The following TDP1 variants were observed in gnomAD, a reference collection of about 807,000 sequenced individuals.
TDP1 encodes tyr-DNA phosphodiesterase 1.
TDP1 carries 64 observed loss-of-function variants against 81.5 expected under a neutral mutation model. The observed-to-expected ratio is 0.79, with a 90% CI of 0.64 to 0.97. TDP1 has a LOEUF of 0.97. Ranked by LOEUF, TDP1 falls within the 50% of genes least tolerant of loss-of-function variation. The pLI, the probability that TDP1 is intolerant of heterozygous loss-of-function variation, is 0.00. For missense variants in TDP1, 723 were observed against 743.8 expected, an observed-to-expected ratio of 0.97 and a Z score of 0.33; for synonymous variants, 256 against 264.3, an observed-to-expected ratio of 0.97 and a Z score of 0.30.
At chr14:90,013,424 G>A (rs967694763) in intron 14 of TDP1, among the ~76,000 whole-genome samples, 15 of 152,140 alleles carry the variant, frequency 9.9e-5, no homozygotes, top group African/African-American at 3.1e-4. Flanking sequence ...TAGGTCTCAC[G>A]AGATCTGATG....
At chr14:89,971,071 G>A (rs1294338371) in intron 5 of TDP1, 104 bp from the exon 6 acceptor site, 1 of 924,174 alleles carries the variant, frequency 1.1e-6, no homozygotes, top group Non-Finnish European at 1.7e-6. Flanking sequence ...CCTGACCTCA[G>A]GTAGTCCACC....
In TDP1 at chr14:89,981,574, C is replaced by G. The variant is rs974373020; in HGVS notation, c.884+942C>G. ...CACCATTTCCAGGTTCACGTTTTCT[C>G]TGTCATCCTCCTCTGCCTCACCCTG... On this transcript the variant is annotated intron_variant, in intron 8 of 16. Transcript: ENST00000335725. The G allele has an allele frequency of 1.4e-5, 6 of 435,520 alleles. No homozygotes were observed. In the East Asian group the frequency reaches 3.6e-4, roughly 26 times the overall value. 27.0% of individuals were successfully genotyped at this position (435,520 alleles called of 1,614,324 possible).
chr14:90,024,225 A>T (rs915216004), intron 15 of TDP1, among the ~76,000 whole-genome samples: 8 of 152,072 alleles, frequency 5.3e-5, no homozygotes, highest in African/African-American at 1.9e-4. Context: ...CTTACTGTTT[A>T]TGCTGTGCAG....
In TDP1 at chr14:89,964,519, AT is replaced by A. The variant is rs1418553049; in HGVS notation, c.559+853del. Among the ~76,000 whole-genome samples the A allele has an allele frequency of 2.6e-5, 4 of 152,224 alleles. No homozygotes were observed. The East Asian group carries it at 7.7e-4, about 29-fold the overall frequency. ...ATAAACATTATTACCCTTATTTCAGATTTTTTTCCTGTCCCATATTTAAGAA... is the reference window on the plus strand; with the variant it reads ...ATAAACATTATTACCCTTATTTCAGATTTTTTCCTGTCCCATATTTAAGAA... On this transcript the variant is annotated intron_variant, in intron 3 of 16. Coordinates refer to ENST00000335725, the MANE Select transcript of TDP1 (RefSeq NM_018319.4).
At chr14:89,975,760 A>G in intron 6 of TDP1, 21 bp from the exon 7 acceptor site, 1 of 1,604,792 alleles carries the variant, frequency 6.2e-7, no homozygotes, top group South Asian at 1.1e-5. Flanking sequence ...TTTTAAATAA[A>G]TGACTTCTTT....
At chr14:89,967,488 A>G (rs1236414355) in intron 5 of TDP1, 66 bp downstream of exon 5, 1 of 1,373,570 alleles carries the variant, frequency 7.3e-7, no homozygotes, top group Non-Finnish European at 1.0e-6. Context: ...TAAGATTTGT[A>G]TTTCTCAGGT....
chr14:90,022,077 T>C (rs1437149302), intron 15 of TDP1, among the ~76,000 whole-genome samples: 2 of 152,166 alleles, frequency 1.3e-5, no homozygotes, highest in Non-Finnish European at 2.9e-5. Context: ...GGCTTTACCC[T>C]TCCCCTCCCA....
intron 5 of TDP1, among the ~76,000 whole-genome samples, chr14:89,969,292 C>T (rs1893309666): frequency 6.6e-6 from 1 of 152,134 alleles, no homozygotes; most frequent in South Asian, 2.1e-4. Context: ...TCCCTGCATC[C>T]CCTTATTGCC....
intron 15 of TDP1, among the ~76,000 whole-genome samples, chr14:90,020,952 C>T (rs971532211): frequency 4.6e-5 from 7 of 151,644 alleles, no homozygotes; most frequent in East Asian, 2.0e-4. Context: ...CCTGCCACCA[C>T]GTCCAGCTAA....
intron 16 of TDP1, among the ~76,000 whole-genome samples, chr14:90,035,176 C>G (rs1029595738): frequency 6.6e-6 from 1 of 152,238 alleles, no homozygotes; most frequent in African/African-American, 2.4e-5. Context: ...CTGATGGGCC[C>G]TTTCTTAGAT....
At chr14:90,028,311 G>A (rs1243457108) in intron 15 of TDP1, among the ~76,000 whole-genome samples, 2 of 152,214 alleles carry the variant, frequency 1.3e-5, no homozygotes, top group Non-Finnish European at 2.9e-5. Context: ...CTTGTGTAGG[G>A]TTTTACCACT....
chr14:89,967,295 T>G, intron 4 of TDP1, 72 bp from the exon 5 acceptor site: 1 of 1,468,532 alleles, frequency 6.8e-7, no homozygotes, highest in Non-Finnish European at 9.5e-7. Context: ...ATGTAATAAC[T>G]AAACAATTCT....
At chr14:89,981,506 CA>C in intron 8 of TDP1, 3 of 454,244 alleles carry the variant, frequency 6.6e-6, no homozygotes, top group South Asian at 1.6e-5. Flanking sequence ...AGCTGGTTAA[CA>C]AACAGCCTTC....
chr14:89,963,002 T>A (rs1233036525), intron 2 of TDP1, 106 bp from the exon 3 acceptor site: 1 of 1,579,966 alleles, frequency 6.3e-7, no homozygotes, highest in Non-Finnish European at 8.6e-7. Flanking sequence ...TGGTTCAGCC[T>A]CTGGAAGGTG....
At chr14:90,013,462 C>T (rs572864764) in intron 14 of TDP1, among the ~76,000 whole-genome samples, 45 of 152,272 alleles carry the variant, frequency 3.0e-4, no homozygotes, top group Middle Eastern at 3.4e-3. Flanking sequence ...TCCCTGCACA[C>T]GCTCTCTTGC....
At chr14:89,963,940 A>G (rs543745445) in intron 3 of TDP1, among the ~76,000 whole-genome samples, 2 of 152,330 alleles carry the variant, frequency 1.3e-5, no homozygotes, top group Admixed American at 1.3e-4. Context: ...ACTTTTTAAG[A>G]TGAAGCTTGA....
rs1165039867 is a variant in TDP1 at position 89,955,953 on chromosome 14, T to G, written c.-248T>G. On this transcript the variant is annotated 5_prime_UTR_variant, in exon 1 of 17. Transcript: ENST00000335725. ...AAGGGGCGGGATCCGAGGCAAGCGT[T>G]GGTTCTGTGCGCCTCAGGTACGTGT... 1 of 152,350 alleles carries G rather than the reference T, an allele frequency of 6.6e-6. No homozygotes were observed. The highest frequency in any genetic ancestry group is 2.4e-5 in the African/African-American group (1 of 41,408). The allele number at this position is 152,350 out of a possible 1,614,324, so 9.4% of individuals were successfully genotyped here.
chr14:90,017,855 T>A (rs369271326), intron 14 of TDP1, among the ~76,000 whole-genome samples: 1 of 152,230 alleles, frequency 6.6e-6, no homozygotes, highest in Non-Finnish European at 1.5e-5. Flanking sequence ...ATCAGCTTCC[T>A]CTTCACTTTA....
intron 15 of TDP1, among the ~76,000 whole-genome samples, chr14:90,032,373 T>C (rs554648223): frequency 3.3e-5 from 5 of 152,082 alleles, no homozygotes; most frequent in African/African-American, 1.2e-4. Flanking sequence ...ACAGAAGGAA[T>C]GAGAGACAGA....
Sources: gnomAD v4.1 joint callset for allele counts (sites outside exome capture counted in the v4.1 genomes callset) on GRCh38, gnomAD v4.1.1 for gene constraint, MANE v1.5 for transcripts, NCBI Gene and HGNC (gene_info 2026-07-23, HGNC 2026-07-21) for gene names.